Variants in TNR observed in about 807,000 individuals in gnomAD.
The protein encoded by TNR is tenascin R, also known as tenascin-R.
TNR carries 45 observed loss-of-function variants against 150.4 expected under a neutral mutation model. That is an observed-to-expected ratio of 0.30 (90% CI 0.24 to 0.38). The LOEUF (loss-of-function observed/expected upper bound fraction) is 0.38. Among genes scored for constraint, TNR ranks in the 10% least tolerant of loss-of-function variants. The pLI is 1.00. For synonymous variants in TNR, 687 were observed against 678.4 expected, an observed-to-expected ratio of 1.01 and a Z score of -0.20; for missense variants, 1,544 against 1,759.1, an observed-to-expected ratio of 0.88 and a Z score of 2.19.
At position 175,649,649 on chromosome 1, in the gene TNR, G is replaced by A. The variant is rs569111402; in HGVS notation, c.-165+93577C>T. Among the ~76,000 whole-genome samples the A allele has an allele frequency of 5.9e-5, 9 of 152,218 alleles. 1 individual carries two copies. The highest frequency in any genetic ancestry group is 1.9e-4 in the African/African-American group (8 of 41,536). ...TTCACCCAGGCATCACTTCTTCACA[G>A]CCCGGCCCCCGGTTCCATGGGAGAC... On this transcript the variant is annotated intron_variant, in intron 1 of 22. Coordinates refer to ENST00000367674, the MANE Select transcript of TNR (RefSeq NM_003285.3).
chr1:175,539,562 G>A (rs1260919896), intron 1 of TNR, among the ~76,000 whole-genome samples: 1 of 152,196 alleles, frequency 6.6e-6, no homozygotes, highest in African/African-American at 2.4e-5. Flanking sequence ...GCTCTGGAAG[G>A]TCTCATGACC....
At chr1:175,628,988 T>C (rs771049431) in intron 1 of TNR, among the ~76,000 whole-genome samples, 1 of 152,228 alleles carries the variant, frequency 6.6e-6, no homozygotes, top group Non-Finnish European at 1.5e-5. Context: ...AGTGTGATCC[T>C]ATCAGGGCTG....
intron 2 of TNR, among the ~76,000 whole-genome samples, chr1:175,417,055 G>GAAAA (rs1232273551): frequency 2.9e-5 from 3 of 103,736 alleles, no homozygotes; most frequent in African/African-American, 1.0e-4. Flanking sequence ...AAGAAAGAAA[G>GAAAA]AAAGAAAGAA....
intron 1 of TNR, among the ~76,000 whole-genome samples, chr1:175,603,090 G>A: frequency 6.6e-6 from 1 of 152,216 alleles, no homozygotes; most frequent in Non-Finnish European, 1.5e-5. Flanking sequence ...AGAAGTTGGT[G>A]TCAGTAAACG....
chr1:175,369,512 C>G (rs1651996413), intron 9 of TNR, among the ~76,000 whole-genome samples: 1 of 152,138 alleles, frequency 6.6e-6, no homozygotes, highest in Non-Finnish European at 1.5e-5. Flanking sequence ...CCAGTATGAC[C>G]TCATCTTAAC....
intron 1 of TNR, among the ~76,000 whole-genome samples, chr1:175,638,551 A>G (rs1664554977): frequency 6.6e-6 from 1 of 152,254 alleles, no homozygotes; most frequent in South Asian, 2.1e-4. Flanking sequence ...GCACCAGGGC[A>G]AGGGAAAGAG....
At chr1:175,430,150 C>T (rs998991172) in intron 2 of TNR, among the ~76,000 whole-genome samples, 5 of 152,052 alleles carry the variant, frequency 3.3e-5, no homozygotes, top group Admixed American at 3.3e-4. Flanking sequence ...TTCACCACAA[C>T]TGTTTCTGAA....
At chr1:175,588,520 C>CT (rs894032302) in intron 1 of TNR, among the ~76,000 whole-genome samples, 1 of 151,392 alleles carries the variant, frequency 6.6e-6, no homozygotes, top group African/African-American at 2.4e-5. Context: ...TGTTTCATGT[C>CT]TTTTTTTTTC....
chr1:175,413,786 T>G (rs550012278), intron 2 of TNR, among the ~76,000 whole-genome samples: 1 of 151,838 alleles, frequency 6.6e-6, no homozygotes, highest in Admixed American at 6.6e-5. Context: ...CTTTGGGAGG[T>G]GATTAAGTCA....
At chr1:175,553,861 C>T (rs970039174) in intron 1 of TNR, among the ~76,000 whole-genome samples, 7 of 138,686 alleles carry the variant, frequency 5.0e-5, no homozygotes, top group Non-Finnish European at 1.1e-4. Flanking sequence ...CAATAATTAC[C>T]CAATTCTGGA....
chr1:175,633,177 C>T (rs916688548), intron 1 of TNR, among the ~76,000 whole-genome samples: 1 of 152,232 alleles, frequency 6.6e-6, no homozygotes, highest in African/African-American at 2.4e-5. Flanking sequence ...CATCCATCCT[C>T]TTCAATCCAC....
intron 1 of TNR, among the ~76,000 whole-genome samples, chr1:175,678,283 T>C (rs979699465): frequency 3.3e-5 from 5 of 152,192 alleles, no homozygotes; most frequent in Non-Finnish European, 7.4e-5. Context: ...TAGGTCTGCC[T>C]AGTGGGTGGG....
rs1654988317 is a variant in TNR at position 175,426,783 on chromosome 1, G to GGT, written c.-63-20008_-63-20007dup. On this transcript the variant is annotated intron_variant, in intron 2 of 22. Transcript: ENST00000367674. The stretch of plus-strand genomic sequence containing the variant: ...GTGTGTGTGTATAAATATATATACA[G>GGT]GTGTGTGTGTATATATATAATATAT... 1.5e-5 allele frequency among the ~76,000 whole-genome samples: 2 copies of GGT among 133,938 alleles called. 1 individual carries two copies. The highest frequency in any genetic ancestry group is 3.2e-5 in the Non-Finnish European group (2 of 63,004). 87.9% of individuals were successfully genotyped at this position (133,938 alleles called of 152,430 possible). A position where few individuals can be genotyped will look rare whatever the true frequency, so the allele number is the denominator to read the frequency against.
chr1:175,585,453 A>C (rs1662527088), intron 1 of TNR, among the ~76,000 whole-genome samples: 1 of 152,222 alleles, frequency 6.6e-6, no homozygotes, highest in Non-Finnish European at 1.5e-5. Flanking sequence ...TAGTAGCCTA[A>C]AAATGAAACT....
intron 1 of TNR, among the ~76,000 whole-genome samples, chr1:175,636,059 T>C (rs1664482865): frequency 6.6e-6 from 1 of 152,148 alleles, no homozygotes; most frequent in Admixed American, 6.6e-5. Flanking sequence ...GTCCCCAAAC[T>C]GGACCTACTA....
At chr1:175,415,082 C>T (rs1307222716) in intron 2 of TNR, among the ~76,000 whole-genome samples, 4 of 151,404 alleles carry the variant, frequency 2.6e-5, no homozygotes, top group Admixed American at 6.6e-5. Flanking sequence ...GTCCCCACTC[C>T]GTCCTTAGGG....
chr1:175,684,611 C>A (rs1666134629), intron 1 of TNR, among the ~76,000 whole-genome samples: 1 of 152,098 alleles, frequency 6.6e-6, no homozygotes, highest in African/African-American at 2.4e-5. Context: ...ATTTTCCTGC[C>A]ACACCACCCT....
chr1:175,730,539 T>G (rs1357180331), intron 1 of TNR, among the ~76,000 whole-genome samples: 1 of 152,188 alleles, frequency 6.6e-6, no homozygotes, highest in Non-Finnish European at 1.5e-5. Context: ...TAACAGCTTG[T>G]TGAAATAGAG....
intron 15 of TNR, among the ~76,000 whole-genome samples, chr1:175,359,159 T>TTTTTTTTTTTTTTGTTTG: frequency 7.5e-6 from 1 of 133,706 alleles, no homozygotes; most frequent in Non-Finnish European, 1.6e-5. Context: ...TTTTTTTTTT[T>TTTTTTTTTTTTTTGTTTG]TTTTTAGATG....
Sources: allele counts gnomAD v4.1 joint callset (sites outside exome capture counted in the v4.1 genomes callset), GRCh38; gene constraint gnomAD v4.1.1; transcripts MANE v1.5; gene names NCBI Gene and HGNC (gene_info 2026-07-23, HGNC 2026-07-21).